Variants in TNFRSF25 observed in about 807,000 individuals in gnomAD.
TNFRSF25 encodes TNF receptor superfamily member 25, also known as tumor necrosis factor receptor superfamily member 25.
In TNFRSF25, 28 loss-of-function variants were observed where a neutral mutation model predicts 49.4. The ratio of observed to expected loss-of-function variants is 0.57; its 90% CI spans 0.42 to 0.78. The LOEUF (loss-of-function observed/expected upper bound fraction) is 0.78, where lower values mean the gene tolerates loss of function less well. Among genes scored for constraint, TNFRSF25 ranks in the 30% least tolerant of loss-of-function variants. TNFRSF25 has a pLI of 0.00. For synonymous variants in TNFRSF25, 240 were observed against 234.2 expected, an observed-to-expected ratio of 1.02 and a Z score of -0.23; for missense variants, 531 against 581.6, an observed-to-expected ratio of 0.91 and a Z score of 0.90.
chr1:6,461,930 AC>A lies in TNFRSF25; in HGVS notation c.925+63del, dbSNP rs1644187372. The A allele has an allele frequency of 6.5e-7, 1 of 1,538,810 alleles. No individual in the cohort carries two copies. The highest frequency in any genetic ancestry group is 2.0e-5 in the Admixed American group (1 of 49,760). On this transcript the variant is annotated intron_variant, in intron 9 of 9. Coordinates refer to ENST00000356876, the MANE Select transcript of TNFRSF25 (RefSeq NM_003790.3). The surrounding 1 kb of genome is among the most constrained non-coding windows in gnomAD (Gnocchi z 6.3). ...GGGCAGAAAGGGAACACGTTGTGAA[AC>A]CACAACTTCCCACCGCAGACAGGAG...
chr1:6,464,995 C>A (rs945738705), intron 3 of TNFRSF25, 93 bp downstream of exon 3: 1 of 1,528,538 alleles, frequency 6.5e-7, no homozygotes, highest in Non-Finnish European at 8.8e-7. Context: ...GGGTGCAGGA[C>A]CCTCACACCC....
rs922231113 is a variant in TNFRSF25 at position 6,462,469 on chromosome 1, C to A, written c.744+160G>T. The A allele has an allele frequency of 6.8e-7, 1 of 1,481,020 alleles. No individual in the cohort carries two copies. The highest frequency in any genetic ancestry group is 9.0e-7 in the Non-Finnish European group (1 of 1,115,802). 91.7% of individuals were successfully genotyped at this position (1,481,020 alleles called of 1,614,324 possible). A position where few individuals can be genotyped will look rare whatever the true frequency, so the allele number is the denominator to read the frequency against. On this transcript the variant is annotated intron_variant, in intron 8 of 9. Transcript: ENST00000356876. The surrounding 1 kb of genome is among the most constrained non-coding windows in gnomAD (Gnocchi z 4.2). The stretch of plus-strand genomic sequence containing the variant: ...CAGCTGACTGAGCACCCCTTGAGGG[C>A]AGGCACTGTGCTGGTCTCATCCACT...
chr1:6,464,779 G>T, intron 3 of TNFRSF25, 60 bp from the exon 4 acceptor site: 1 of 1,572,604 alleles, frequency 6.4e-7, no homozygotes, highest in Non-Finnish European at 8.7e-7. Context: ...GGCTCCCATG[G>T]AGAGGCAGAG....
At chr1:6,463,148 C>G in intron 5 of TNFRSF25, 21 bp from the exon 6 acceptor site, 1 of 1,550,070 alleles carries the variant, frequency 6.5e-7, no homozygotes, top group Non-Finnish European at 8.7e-7. Context: ...CGGGGGTGGC[C>G]TGAGGGATGA....
In TNFRSF25 at chr1:6,461,188, C is replaced by T. The variant is rs1644160136; in HGVS notation, c.*246G>A. On this transcript the variant is annotated 3_prime_UTR_variant, in exon 10 of 10. Coordinates refer to ENST00000356876, the MANE Select transcript of TNFRSF25 (RefSeq NM_003790.3). This position sits in a 1 kb window ranked among gnomAD's most constrained non-coding sequence, Gnocchi z 6.3. The stretch of plus-strand genomic sequence containing the variant: ...TTTGTTTTCTTTCACAGATTTAATA[C>T]CGCGATCTCAGCCAAACTCCGGCCG... 1 of 711,406 alleles carries T rather than the reference C, an allele frequency of 1.4e-6. No homozygotes were observed. Among genetic ancestry groups the T allele is most frequent in the East Asian group, 2.7e-5 (1 of 36,494 alleles). The allele number at this position is 711,406 out of a possible 1,614,324, so 44.1% of individuals were successfully genotyped here. A position where few individuals can be genotyped will look rare whatever the true frequency, so the allele number is the denominator to read the frequency against.
chr1:6,465,270 C>T (rs1644312745), intron 2 of TNFRSF25, 48 bp from the exon 3 acceptor site: 1 of 1,576,500 alleles, frequency 6.3e-7, no homozygotes, highest in African/African-American at 1.3e-5. Context: ...TGCCCAGCAA[C>T]CCCCGACCTG....
intron 3 of TNFRSF25, among the ~76,000 whole-genome samples, 162 bp from the exon 4 acceptor site, chr1:6,464,881 C>T (rs1426529134): frequency 1.3e-5 from 2 of 152,122 alleles, no homozygotes; most frequent in Admixed American, 6.5e-5. Flanking sequence ...AGATTAAGGC[C>T]GACCAGAGGC....
chr1:6,465,624 C>T, intron 1 of TNFRSF25, 64 bp from the exon 2 acceptor site: 2 of 1,563,292 alleles, frequency 1.3e-6, no homozygotes, highest in Non-Finnish European at 1.7e-6. Context: ...CCTGCTGCGT[C>T]TCCTCCATTT....
chr1:6,464,611 G>C lies in TNFRSF25; in HGVS notation c.404C>G (p.Pro135Arg). The C allele has an allele frequency of 2.5e-6, 4 of 1,614,146 alleles. No individual in the cohort carries two copies. Among genetic ancestry groups the C allele is most frequent in the Non-Finnish European group, 3.4e-6 (4 of 1,180,038 alleles). Residue 135 changes from proline (P) to arginine (R), a missense_variant, in exon 4 of 10, where the codon CCC becomes CGC. Physicochemically the swap from Pro to Arg is moderately radical, Grantham distance 103. Transcript: ENST00000356876. Reference sequence around the variant, plus strand: ...GTCTAGGCATGGTTGGCAGTAGAAGGGTGAACTGCTGACACATTGGCTGAC... The same window carrying C: ...GTCTAGGCATGGTTGGCAGTAGAAGCGTGAACTGCTGACACATTGGCTGAC... ...CQVSQCVSSS[P>R]FYCQPCLDCG...
chr1:6,462,644 A>C lies in TNFRSF25; in HGVS notation c.729T>G (p.Ala243=). 6.2e-7 allele frequency: 1 copy of C among 1,613,590 alleles called. No individual in the cohort carries two copies. The highest frequency in any genetic ancestry group is 8.5e-7 in the Non-Finnish European group (1 of 1,179,770). The change falls in exon 8 of 10, where the codon GCT becomes GCG. Residue 243 remains alanine, a synonymous_variant. Transcript: ENST00000356876. The surrounding 1 kb of genome is among the most constrained non-coding windows in gnomAD (Gnocchi z 4.2). ...AGGTTCTTACCGGTGGTGGGGTCAG[A>C]GCCTCCATCCCAGCTTCATCTGCTG... ...LVTADEAGME[A]LTPPPATHLS... is the part of the protein sequence containing the mutation.
At chr1:6,465,879 A>G in intron 1 of TNFRSF25, 190 bp downstream of exon 1, 1 of 1,410,934 alleles carries the variant, frequency 7.1e-7, no homozygotes, top group Non-Finnish European at 9.2e-7. Flanking sequence ...GGGCCCCCAG[A>G]CCCTCCTGGG....
rs748511042 is a variant in TNFRSF25, at chr1:6,461,630, G to T, written c.1058C>A (p.Thr353Lys). The change falls in exon 10 of 10, where the codon ACG becomes AAG. Residue 353 changes from threonine to lysine, a missense_variant. Thr to Lys is a moderately conservative substitution (Grantham distance 78). Coordinates refer to ENST00000356876, the MANE Select transcript of TNFRSF25 (RefSeq NM_003790.3). The surrounding 1 kb of genome is among the most constrained non-coding windows in gnomAD (Gnocchi z 6.3). Reference sequence around the variant, plus strand: ...GATCTCTGCCTCGCGCAGCCCCAGCGTGCGCACGAACTCCTTCCAGCGCCG... The same window carrying T: ...GATCTCTGCCTCGCGCAGCCCCAGCTTGCGCACGAACTCCTTCCAGCGCCG... The part of the protein sequence containing the change: ...PARRWKEFVR[T>K]LGLREAEIEA... 2 of 1,608,272 alleles carry T rather than the reference G, an allele frequency of 1.2e-6. No individual in the cohort carries two copies. The highest frequency in any genetic ancestry group is 1.7e-5 in the Admixed American group (1 of 59,910).
chr1:6,464,733 A>G lies in TNFRSF25; in HGVS notation c.296-14T>C. 6.2e-7 allele frequency: 1 copy of G among 1,611,046 alleles called. No homozygotes were observed. The highest frequency in any genetic ancestry group is 1.1e-5 in the South Asian group (1 of 91,048). On this transcript the variant is annotated splice_polypyrimidine_tract_variant and intron_variant, in intron 3 of 9. Transcript: ENST00000356876. ...CCACCTGGGAGGCTGGTGGGGGTGC[A>G]GGGAGATGGGGAGTGGAGAGTTAGT...
rs11556816 is a variant in TNFRSF25, at chr1:6,461,251, G to A, written c.*183C>T. On this transcript the variant is annotated 3_prime_UTR_variant, in exon 10 of 10. Transcript: ENST00000356876. The surrounding 1 kb of genome is among the most constrained non-coding windows in gnomAD (Gnocchi z 6.3). ...ATGTCTTCACCCCCTCTCGACATTC[G>A]TTCGTGCTTCTTCGCCTTGGCTGGA... 9 of 794,422 alleles carry A rather than the reference G, an allele frequency of 1.1e-5. No individual in the cohort carries two copies. Among genetic ancestry groups the A allele is most frequent in the Non-Finnish European group, 1.8e-5 (8 of 456,834 alleles). The allele number at this position is 794,422 out of a possible 1,614,324, so 49.2% of individuals were successfully genotyped here.
rs2986758 is a variant in TNFRSF25, at chr1:6,461,090, A to C, written c.*344T>G. On this transcript the variant is annotated 3_prime_UTR_variant, in exon 10 of 10. Transcript: ENST00000356876. This position sits in a 1 kb window ranked among gnomAD's most constrained non-coding sequence, Gnocchi z 6.3. Reference sequence around the variant, plus strand: ...GTGACAAGATTCCCGTCCCCTTCGAATCCCTCGAGAAAAGTCCAGTCCACT... The same window carrying C: ...GTGACAAGATTCCCGTCCCCTTCGACTCCCTCGAGAAAAGTCCAGTCCACT... 109,087 of 527,220 alleles carry C rather than the reference A, an allele frequency of 0.21. 17,891 individuals are homozygous for C. The highest frequency in any genetic ancestry group is 0.66 in the African/African-American group (34,139 of 51,842). 32.7% of individuals were successfully genotyped at this position (527,220 alleles called of 1,614,324 possible).
chr1:6,461,596 C>T lies in TNFRSF25; in HGVS notation c.1092G>A (p.Val364=). Reference sequence around the variant, plus strand: ...CTCGGAAGCGGCCGATCTCCACCTCCACGGCTTCGATCTCTGCCTCGCGCA... The same window carrying T: ...CTCGGAAGCGGCCGATCTCCACCTCTACGGCTTCGATCTCTGCCTCGCGCA... ...LGLREAEIEA[V]EVEIGRFRDQ... is the part of the protein sequence containing the mutation. Residue 364 remains valine (V), a synonymous_variant, in exon 10 of 10, where the codon GTG becomes GTA. Coordinates refer to ENST00000356876, the MANE Select transcript of TNFRSF25 (RefSeq NM_003790.3). The surrounding 1 kb of genome is among the most constrained non-coding windows in gnomAD (Gnocchi z 6.3). 6.2e-7 allele frequency: 1 copy of T among 1,610,452 alleles called. No homozygotes were observed. The highest frequency in any genetic ancestry group is 8.5e-7 in the Non-Finnish European group (1 of 1,179,460).
chr1:6,465,522 G>T lies in TNFRSF25; in HGVS notation c.78C>A (p.Gly26=), dbSNP rs200975138. Residue 26 remains glycine, a synonymous_variant, in exon 2 of 10, where the codon GGC becomes GGA. Coordinates refer to ENST00000356876, the MANE Select transcript of TNFRSF25 (RefSeq NM_003790.3). ...AGTCACACCTGGGGCTACGAGTGCC[G>T]CCCTGGGCCCGGGCCCCCAGCAGCA... ...LLVLLGARAQ[G]GTRSPRCDCA... The T allele has an allele frequency of 6.2e-7, 1 of 1,613,428 alleles. No homozygotes were observed. The highest frequency in any genetic ancestry group is 1.1e-5 in the South Asian group (1 of 91,082).
intron 3 of TNFRSF25, 36 bp from the exon 4 acceptor site, chr1:6,464,755 T>A: frequency 1.9e-6 from 3 of 1,603,940 alleles, no homozygotes; most frequent in Non-Finnish European, 2.6e-6. Context: ...AGTGGAGAGT[T>A]AGTCAGGGCC....
At position 6,465,479 on chromosome 1, in the gene TNFRSF25, T is replaced by C. The variant is rs2148565527; in HGVS notation, c.121A>G (p.Lys41Glu). The change falls in exon 2 of 10, where the codon AAG becomes GAG. Residue 41 changes from lysine (K) to glutamate (E), a missense_variant. By Grantham distance (56) the Lys-to-Glu change is moderately conservative (BLOSUM62 1). Coordinates refer to ENST00000356876, the MANE Select transcript of TNFRSF25 (RefSeq NM_003790.3). ...PRCDCAGDFH[K>E]KIGLFCCRGC... ...CTGCAACAAAACAGACCAATCTTCT[T>C]GTGGAAGTCACCGGCACAGTCACAC... 4 of 1,613,970 alleles carry C rather than the reference T, an allele frequency of 2.5e-6. No homozygotes were observed. The highest frequency in any genetic ancestry group is 3.4e-6 in the Non-Finnish European group (4 of 1,179,976).
Sources: gnomAD v4.1 joint callset for allele counts (sites outside exome capture counted in the v4.1 genomes callset) on GRCh38, gnomAD v4.1.1 for gene constraint, Gnocchi (gnomAD v3.1) non-coding constraint, MANE v1.5 for transcripts, NCBI Gene and HGNC (gene_info 2026-07-23, HGNC 2026-07-21) for gene names.